The following SMIM22 variants were observed in gnomAD, a reference collection of about 807,000 sequenced individuals.
SMIM22 encodes cancer associated small integral membrane open reading frame 1.
A neutral mutation model predicts 8.4 loss-of-function variants in SMIM22; 16 were observed. The observed-to-expected ratio is 1.90, with a 90% CI of 1.29 to 2.89. SMIM22 has a LOEUF of 2.89. SMIM22 is among the 30% of genes most tolerant of loss of function. The pLI, the probability that SMIM22 is intolerant of heterozygous loss-of-function variation, is 0.00. For missense variants in SMIM22, 159 were observed against 107.5 expected, an observed-to-expected ratio of 1.48 and a Z score of -2.12; for synonymous variants, 67 against 47.6, an observed-to-expected ratio of 1.41 and a Z score of -1.68.
chr16:4,794,403 G>T (rs545942901), upstream of SMIM22, among the ~76,000 whole-genome samples: 15 of 149,752 alleles, frequency 1.0e-4, no homozygotes, highest in Non-Finnish European at 2.1e-4. Context: ...CACCACACCC[G>T]ACCAATTTTT....
chr16:4,792,604 C>G (rs1015702900), upstream of SMIM22, among the ~76,000 whole-genome samples: 1 of 151,200 alleles, frequency 6.6e-6, no homozygotes, highest in Non-Finnish European at 1.5e-5. Context: ...GAGTTCAAGA[C>G]CAGCCTGACC....
rs141585095 is a variant in SMIM22 at position 4,796,395 on chromosome 16, G to C, written c.*164G>C. ...GCCTTCAGTCAGCACGACTGTGCCA[G>C]GTCATCCTCAGTCACCTAGCTGGGA... is the stretch of plus-strand genomic sequence containing the variant. On this transcript the variant is annotated 3_prime_UTR_variant, in exon 4 of 4. Transcript: ENST00000586005. The C allele has an allele frequency of 1.5e-3, 1,170 of 790,030 alleles. 13 individuals are homozygous for C. The African/African-American group carries it at 0.018, about 12-fold the overall frequency. 48.9% of individuals were successfully genotyped at this position (790,030 alleles called of 1,614,324 possible).
chr16:4,794,609 A>C (rs1311463610), upstream of SMIM22, among the ~76,000 whole-genome samples: 1 of 151,768 alleles, frequency 6.6e-6, no homozygotes, highest in Non-Finnish European at 1.5e-5. Flanking sequence ...TAGTAGAGAC[A>C]TGGTTTCTCC....
chr16:4,792,026 C>T (rs1312855959), upstream of SMIM22, among the ~76,000 whole-genome samples: 1 of 151,740 alleles, frequency 6.6e-6, no homozygotes, highest in Non-Finnish European at 1.5e-5. Context: ...TCCAGATCTT[C>T]TTTAAGAGAT....
chr16:4,788,992 C>CT (rs1279063811), intron 2 of SMIM22, among the ~76,000 whole-genome samples: 1 of 152,202 alleles, frequency 6.6e-6, no homozygotes, highest in Non-Finnish European at 1.5e-5. Context: ...TCACCCCTGC[C>CT]TTACTGTCTC....
upstream of SMIM22, among the ~76,000 whole-genome samples, chr16:4,791,003 T>G (rs367978964): frequency 6.6e-6 from 1 of 152,286 alleles, no homozygotes; most frequent in East Asian, 1.9e-4. Context: ...AGGATGTGGT[T>G]AGTGGATGAA....
In SMIM22 at chr16:4,796,381, G is replaced by A; in HGVS notation, c.*150G>A. The A allele has an allele frequency of 2.3e-6, 2 of 865,058 alleles. No individual in the cohort carries two copies. Among genetic ancestry groups the A allele is most frequent in the Non-Finnish European group, 3.5e-6 (2 of 571,180 alleles). The allele number at this position is 865,058 out of a possible 1,614,324, so 53.6% of individuals were successfully genotyped here. A position where few individuals can be genotyped will look rare whatever the true frequency, so the allele number is the denominator to read the frequency against. ...CCTGGCCTCTCCAAGCCTTCAGTCA[G>A]CACGACTGTGCCAGGTCATCCTCAG... On this transcript the variant is annotated 3_prime_UTR_variant, in exon 4 of 4. Coordinates refer to ENST00000586005, the MANE Select transcript of SMIM22 (RefSeq NM_001253794.2).
At position 4,795,993 on chromosome 16, in the gene SMIM22, G is replaced by C; in HGVS notation, c.170G>C (p.Cys57Ser). ...CTGCTGGTCGTCGCCCACTGCTGCT[G>C]CTGCAGCTCCCCCGGGCCCCGCAGG... ...LLLLVVAHCC[C>S]CSSPGPRRES... The change falls in exon 3 of 4, where the codon TGC (cysteine) becomes TCC (serine). Residue 57 changes from cysteine to serine, a missense_variant. By Grantham distance (112) the Cys-to-Ser change is moderately radical (BLOSUM62 -1). Coordinates refer to ENST00000586005, the MANE Select transcript of SMIM22 (RefSeq NM_001253794.2). The C allele has an allele frequency of 6.6e-7, 1 of 1,508,456 alleles. No homozygotes were observed. 93.4% of individuals were successfully genotyped at this position (1,508,456 alleles called of 1,614,324 possible).
chr16:4,793,415 C>G (rs916372877), upstream of SMIM22, among the ~76,000 whole-genome samples: 1 of 152,142 alleles, frequency 6.6e-6, no homozygotes, highest in Non-Finnish European at 1.5e-5. Flanking sequence ...GTGTGACGGG[C>G]TAATGGCTAA....
At chr16:4,789,512 G>C (rs1357094302) in intron 2 of SMIM22, among the ~76,000 whole-genome samples, 1 of 151,940 alleles carries the variant, frequency 6.6e-6, no homozygotes, top group Non-Finnish European at 1.5e-5. Flanking sequence ...ATTTTTAGTA[G>C]AGACTGGTTT....
intron 3 of SMIM22, 22 bp from the exon 4 acceptor site, chr16:4,796,168 T>A: frequency 5.2e-6 from 8 of 1,535,850 alleles, no homozygotes; most frequent in Non-Finnish European, 7.0e-6. Flanking sequence ...ACCTGCTTGG[T>A]CCCGCTGTGC....
chr16:4,794,728 G>C (rs187435509), upstream of SMIM22, among the ~76,000 whole-genome samples: 1 of 152,080 alleles, frequency 6.6e-6, no homozygotes. Context: ...CCCAATTTTT[G>C]TATTTTTAGT....
upstream of SMIM22, among the ~76,000 whole-genome samples, chr16:4,791,816 T>G (rs968241254): frequency 6.6e-6 from 1 of 151,902 alleles, no homozygotes; most frequent in African/African-American, 2.4e-5. Flanking sequence ...GCTTCCCGAG[T>G]AGCTGGGATT....
Position 4,796,060 on chromosome 16 carries a change from C to A in SMIM22, c.225+12C>A. ...TGAGCCCCTGGAAGGTGAGCCCTGC[C>A]GGCCTCTGGGACCTGCACGGAACTG... On this transcript the variant is annotated intron_variant, in intron 3 of 3. Coordinates refer to ENST00000586005, the MANE Select transcript of SMIM22 (RefSeq NM_001253794.2). The A allele has an allele frequency of 9.8e-6, 15 of 1,531,552 alleles. No individual in the cohort carries two copies. Among genetic ancestry groups the A allele is most frequent in the Non-Finnish European group, 1.3e-5 (15 of 1,143,920 alleles). 94.9% of individuals were successfully genotyped at this position (1,531,552 alleles called of 1,614,324 possible).
chr16:4,791,626 C>T (rs905270715), upstream of SMIM22, among the ~76,000 whole-genome samples: 1 of 152,162 alleles, frequency 6.6e-6, no homozygotes, highest in Non-Finnish European at 1.5e-5. Context: ...GGAACCACTC[C>T]CTGCCACAGC....
In SMIM22 at chr16:4,788,581, T is replaced by A. The variant is rs921805279; in HGVS notation, c.-189+2T>A. On this transcript the variant is annotated splice_donor_variant, in intron 1 of 5. Transcript: ENST00000589327. LOFTEE classifies it low-confidence loss of function (5UTR_SPLICE). ...GACGCCCTCAACCACTCTGCTGGGG[T>A]GAGCAAACCCAGGCCCCACAGCTGG... 1 of 152,092 alleles carries A rather than the reference T, an allele frequency of 6.6e-6. No individual in the cohort carries two copies. The highest frequency in any genetic ancestry group is 1.5e-5 in the Non-Finnish European group (1 of 68,024). The allele number at this position is 152,092 out of a possible 1,614,324, so 9.4% of individuals were successfully genotyped here.
In SMIM22 at chr16:4,796,332, C is replaced by T; in HGVS notation, c.*101C>T. 1 of 1,405,388 alleles carries T rather than the reference C, an allele frequency of 7.1e-7. No homozygotes were observed. The highest frequency in any genetic ancestry group is 2.1e-5 in the Admixed American group (1 of 47,078). 87.1% of individuals were successfully genotyped at this position (1,405,388 alleles called of 1,614,324 possible). A position where few individuals can be genotyped will look rare whatever the true frequency, so the allele number is the denominator to read the frequency against. The stretch of plus-strand genomic sequence containing the variant: ...CCCCGTCTGGGTGGGTGACGCGGGA[C>T]TCGCCGCCCCACTCAGGTGGCCACC... On this transcript the variant is annotated 3_prime_UTR_variant, in exon 4 of 4. Transcript: ENST00000586005.
chr16:4,795,801 C>A lies in SMIM22; in HGVS notation c.67C>A (p.Gln23Lys). ...AGTCCTGGGGAGACTGAAGAGCCACCAGTTTTTCCAGTCCACATGGGACAC... is the reference window on the plus strand; with the variant it reads ...AGTCCTGGGGAGACTGAAGAGCCACAAGTTTTTCCAGTCCACATGGGACAC... ...QEVLGRLKSH[Q>K]FFQSTWDTVA... is the part of the protein sequence containing the mutation. The change falls in exon 2 of 4, where the codon CAG becomes AAG. Residue 23 changes from glutamine to lysine, a missense_variant. Coordinates refer to ENST00000586005, the MANE Select transcript of SMIM22 (RefSeq NM_001253794.2). 6.5e-7 allele frequency: 1 copy of A among 1,535,994 alleles called. No individual in the cohort carries two copies. The highest frequency in any genetic ancestry group is 8.7e-7 in the Non-Finnish European group (1 of 1,146,820).
upstream of SMIM22, among the ~76,000 whole-genome samples, chr16:4,791,187 C>T (rs1240552470): frequency 1.3e-5 from 2 of 152,216 alleles, no homozygotes; most frequent in East Asian, 3.8e-4. Flanking sequence ...GGAGGAGCCT[C>T]ACTGGGTGCC....
Sources: gnomAD v4.1 joint callset for allele counts (sites outside exome capture counted in the v4.1 genomes callset) on GRCh38, gnomAD v4.1.1 for gene constraint, MANE v1.5 for transcripts, NCBI Gene and HGNC (gene_info 2026-07-23, HGNC 2026-07-21) for gene names.